The following BCLAF3 variants were observed in gnomAD, a reference collection of about 807,000 sequenced individuals.
BCLAF3 encodes BCLAF1 and THRAP3 family member 3.
A neutral mutation model predicts 51.2 loss-of-function variants in BCLAF3; 24 were observed. That is an observed-to-expected ratio of 0.47 (90% confidence interval 0.34 to 0.66). BCLAF3 has a LOEUF of 0.66. Ranked by LOEUF, BCLAF3 falls within the 30% of genes least tolerant of loss-of-function variation. The pLI is 0.01. For missense variants in BCLAF3, 465 were observed against 525.1 expected, an observed-to-expected ratio of 0.89 and a Z score of 1.12; for synonymous variants, 152 against 176.6, an observed-to-expected ratio of 0.86 and a Z score of 1.10.
chrX:19,977,609 A>G (rs2072469667), intron 1 of BCLAF3, among the ~76,000 whole-genome samples: 1 of 112,692 alleles, frequency 8.9e-6, no homozygotes, highest in Non-Finnish European at 1.9e-5. Context: ...GAAAGAAGCC[A>G]TCGCCATAAC....
intron 4 of BCLAF3, 148 bp from the exon 5 acceptor site, chrX:19,955,714 A>G (rs1199827255): frequency 7.1e-6 from 3 of 425,412 alleles, no homozygotes; most frequent in Admixed American, 1.1e-4. Flanking sequence ...AAACATGTAC[A>G]ATAACAAGTA....
intron 8 of BCLAF3, among the ~76,000 whole-genome samples, chrX:19,940,891 T>G (rs927258977): frequency 1.8e-5 from 2 of 111,168 alleles, no homozygotes; most frequent in African/African-American, 6.5e-5. Flanking sequence ...CCACCAACAG[T>G]GTAAAAGTGT....
rs1194030089 is a variant in BCLAF3, at chrX:19,915,482, G to A, written c.*1823C>T. ...ATAACACGCTTTGCATATTGAGACA[G>A]TGCCAAAAGAATATCCAAATAGGGA... On this transcript the variant is annotated 3_prime_UTR_variant, in exon 12 of 12. Transcript: ENST00000379682. 8.9e-6 allele frequency: 1 copy of A among 112,088 alleles called. No homozygotes were observed. The highest frequency in any genetic ancestry group is 3.2e-5 in the African/African-American group (1 of 30,822). The allele number at this position is 112,088 out of a possible 1,213,427, so 9.2% of individuals were successfully genotyped here.
chrX:19,937,120 C>G (rs1389757241), intron 9 of BCLAF3, among the ~76,000 whole-genome samples: 4 of 111,307 alleles, frequency 3.6e-5, no homozygotes, highest in Admixed American at 9.6e-5. Flanking sequence ...AGCAATCCTC[C>G]TGCCTTGGCC....
In BCLAF3 at chrX:19,967,969, A is replaced by G. The variant is rs1383178711; in HGVS notation, c.42-1320T>C. Reference sequence around the variant, plus strand: ...CATCCAGCTGGCTACACCTCATCACAGGAGGAAGCAAGTGGAGCCTCTGAG... The same window carrying G: ...CATCCAGCTGGCTACACCTCATCACGGGAGGAAGCAAGTGGAGCCTCTGAG... On this transcript the variant is annotated intron_variant, in intron 2 of 11. Coordinates refer to ENST00000379682, the MANE Select transcript of BCLAF3 (RefSeq NM_001367774.2). Among the ~76,000 whole-genome samples the G allele has an allele frequency of 4.0e-4, 45 of 112,194 alleles. No homozygotes were observed. In the Admixed American group the frequency reaches 4.2e-3, roughly 11 times the overall value.
intron 4 of BCLAF3, among the ~76,000 whole-genome samples, chrX:19,958,798 T>C (rs185967673): frequency 2.4e-4 from 27 of 112,598 alleles, no homozygotes; most frequent in Non-Finnish European, 3.9e-4. Flanking sequence ...ATCCCCATCA[T>C]TGCACAATGC....
chrX:19,938,737 C>A (rs1326564354), intron 8 of BCLAF3, among the ~76,000 whole-genome samples: 3 of 112,656 alleles, frequency 2.7e-5, no homozygotes. Flanking sequence ...ACAAAGCAAT[C>A]TCTCCTGCTT....
At chrX:19,933,623 T>C (rs2070645724) in intron 10 of BCLAF3, among the ~76,000 whole-genome samples, 1 of 112,412 alleles carries the variant, frequency 8.9e-6, no homozygotes, top group South Asian at 3.7e-4. Context: ...GAGACACTAA[T>C]GTTAAGACTA....
At chrX:19,919,951 C>G (rs2070086488) in intron 11 of BCLAF3, among the ~76,000 whole-genome samples, 1 of 111,494 alleles carries the variant, frequency 9.0e-6, no homozygotes, top group African/African-American at 3.3e-5. Context: ...CAAAATGGCC[C>G]TTGGCCAGCA....
In BCLAF3 at chrX:19,917,077, T is replaced by C. The variant is rs756145058; in HGVS notation, c.*228A>G. The C allele has an allele frequency of 1.0e-5, 4 of 381,694 alleles. No individual in the cohort carries two copies. The highest frequency in any genetic ancestry group is 1.8e-5 in the Non-Finnish European group (4 of 224,318). The allele number at this position is 381,694 out of a possible 1,213,427, so 31.5% of individuals were successfully genotyped here. ...GCCCTTCAAGTGATTCTTTTGAGAC[T>C]TTTTGCAAAGGAAACTGTAGTTAAT... On this transcript the variant is annotated 3_prime_UTR_variant, in exon 12 of 12. Transcript: ENST00000379682.
chrX:19,924,603 T>C (rs753909028), intron 11 of BCLAF3, among the ~76,000 whole-genome samples: 1 of 111,631 alleles, frequency 9.0e-6, no homozygotes, highest in Non-Finnish European at 1.9e-5. Context: ...TCTAACTTCC[T>C]TTCTGCACTG....
chrX:19,988,772 A>T (rs904864974), intron 1 of BCLAF3, among the ~76,000 whole-genome samples: 9 of 112,180 alleles, frequency 8.0e-5, no homozygotes, highest in Non-Finnish European at 1.3e-4. Context: ...AGAGTACCTT[A>T]GAAAAGTTAA....
At chrX:19,940,923 C>T (rs1465104107) in intron 8 of BCLAF3, among the ~76,000 whole-genome samples, 2 of 110,630 alleles carry the variant, frequency 1.8e-5, no homozygotes, top group Non-Finnish European at 3.8e-5. Context: ...CACATCCTCT[C>T]CAGCACCTGT....
chrX:19,990,922 CCCGCCGCCGCCG>C lies in BCLAF3; in HGVS notation c.-61_-50del, dbSNP rs748679368. ...GAGCCGCTCACCCGGCCGGGAAGCC[CCCGCCGCCGCCG>C]CCGCCGCCGCCGCCGCCGCCGCCGC... On this transcript the variant is annotated 5_prime_UTR_variant, in exon 1 of 12. Coordinates refer to ENST00000379682, the MANE Select transcript of BCLAF3 (RefSeq NM_001367774.2). Among the ~76,000 whole-genome samples the C allele has an allele frequency of 0.047, 3,999 of 84,556 alleles. 257 individuals are homozygous for C. The highest frequency in any genetic ancestry group is 0.16 in the African/African-American group (3,560 of 22,209). 73.4% of individuals were successfully genotyped at this position (84,556 alleles called of 115,157 possible).
chrX:19,990,922 C>CCG lies in BCLAF3; in HGVS notation c.-50_-49insCG, dbSNP rs2072911454. On this transcript the variant is annotated 5_prime_UTR_variant, in exon 1 of 12. Coordinates refer to ENST00000379682, the MANE Select transcript of BCLAF3 (RefSeq NM_001367774.2). ...GAGCCGCTCACCCGGCCGGGAAGCC[C>CCG]CCGCCGCCGCCGCCGCCGCCGCCGC... 4.3e-4 allele frequency among the ~76,000 whole-genome samples: 36 copies of CCG among 84,584 alleles called. No homozygotes were observed. The highest frequency in any genetic ancestry group is 3.6e-4 in the Non-Finnish European group (16 of 43,902). 73.5% of individuals were successfully genotyped at this position (84,584 alleles called of 115,157 possible). A position where few individuals can be genotyped will look rare whatever the true frequency, so the allele number is the denominator to read the frequency against.
chrX:19,988,994 C>G (rs970305697), intron 1 of BCLAF3, among the ~76,000 whole-genome samples: 1 of 111,496 alleles, frequency 9.0e-6, no homozygotes, highest in Non-Finnish European at 1.9e-5. Context: ...TTGGAGAGTA[C>G]AAGTATGGCT....
intron 2 of BCLAF3, 115 bp downstream of exon 2, chrX:19,970,109 A>G: frequency 1.7e-6 from 1 of 596,378 alleles, no homozygotes; most frequent in Non-Finnish European, 2.9e-6. Context: ...CCACTATGAT[A>G]AAGTACCTAC....
At chrX:19,990,756 G>A (rs1223765060) in intron 1 of BCLAF3, among the ~76,000 whole-genome samples, 152 bp downstream of exon 1, 1 of 112,273 alleles carries the variant, frequency 8.9e-6, no homozygotes, top group African/African-American at 3.2e-5. Flanking sequence ...CCTACGGGGC[G>A]CAGAGGAGCT....
intron 4 of BCLAF3, among the ~76,000 whole-genome samples, chrX:19,960,790 C>T (rs1485781809): frequency 9.0e-6 from 1 of 111,666 alleles, no homozygotes; most frequent in Non-Finnish European, 1.9e-5. Flanking sequence ...TGGGGCCCAT[C>T]CCCCACCTCA....
Sources: gnomAD v4.1 joint callset for allele counts (sites outside exome capture counted in the v4.1 genomes callset) on GRCh38, gnomAD v4.1.1 for gene constraint, MANE v1.5 for transcripts, NCBI Gene and HGNC (gene_info 2026-07-23, HGNC 2026-07-21) for gene names.